The following LRP6 variants were observed in gnomAD, a reference collection of about 807,000 sequenced individuals.
The protein encoded by LRP6 is LDL receptor related protein 6, also known as low-density lipoprotein receptor-related protein 6.
In LRP6, 43 loss-of-function variants were observed where a neutral mutation model predicts 184.1. That is an observed-to-expected ratio of 0.23 (90% CI 0.18 to 0.30). LRP6 has a LOEUF of 0.30. Among genes scored for constraint, LRP6 ranks in the 10% least tolerant of loss-of-function variants. LRP6 has a pLI of 1.00. For missense variants in LRP6, 1,571 were observed against 2,005.3 expected, an observed-to-expected ratio of 0.78 and a Z score of 4.14; for synonymous variants, 719 against 684.9, an observed-to-expected ratio of 1.05 and a Z score of -0.78.
At chr12:12,162,481 G>C in intron 9 of LRP6, 62 bp from the exon 10 acceptor site, 1 of 1,424,882 alleles carries the variant, frequency 7.0e-7, no homozygotes, top group East Asian at 2.3e-5. Context: ...CCAGAAAGAA[G>C]GTTTGGTTTG....
intron 10 of LRP6, among the ~76,000 whole-genome samples, chr12:12,160,514 G>A (rs1412302257): frequency 6.6e-6 from 1 of 152,136 alleles, no homozygotes; most frequent in African/African-American, 2.4e-5. Flanking sequence ...TTGGTCATAT[G>A]GTCCAAGGGA....
chr12:12,164,784 T>C (rs1862827741), intron 8 of LRP6, among the ~76,000 whole-genome samples: 1 of 151,772 alleles, frequency 6.6e-6, no homozygotes, highest in African/African-American at 2.4e-5. Flanking sequence ...CAGTAAGCTT[T>C]AAAGTAAGGT....
At chr12:12,256,741 G>C (rs1011021802) in intron 1 of LRP6, among the ~76,000 whole-genome samples, 1 of 152,170 alleles carries the variant, frequency 6.6e-6, no homozygotes, top group Non-Finnish European at 1.5e-5. Context: ...AGGAGGCAGA[G>C]GTTGCAGTGA....
chr12:12,253,647 T>G (rs535329334), intron 1 of LRP6, among the ~76,000 whole-genome samples: 2 of 150,464 alleles, frequency 1.3e-5, no homozygotes, highest in African/African-American at 4.9e-5. Context: ...ACTGTTTAAT[T>G]TCCACCTATG....
At chr12:12,248,842 A>G (rs1327839247) in intron 1 of LRP6, 7 of 255,188 alleles carry the variant, frequency 2.7e-5, no homozygotes, top group African/African-American at 4.6e-5. Flanking sequence ...CCCTACCTAT[A>G]TAGAATGTTC....
At chr12:12,162,584 T>C (rs1490646029) in intron 9 of LRP6, among the ~76,000 whole-genome samples, 165 bp from the exon 10 acceptor site, 1 of 152,212 alleles carries the variant, frequency 6.6e-6, no homozygotes. Flanking sequence ...AAAAATTTGA[T>C]GTCAATCTCT....
intron 1 of LRP6, among the ~76,000 whole-genome samples, chr12:12,251,728 C>T (rs939129844): frequency 6.6e-6 from 1 of 152,122 alleles, no homozygotes; most frequent in Non-Finnish European, 1.5e-5. Flanking sequence ...TGAATAATCT[C>T]CACAGAAGGC....
At chr12:12,236,097 G>A (rs1051479124) in intron 2 of LRP6, among the ~76,000 whole-genome samples, 3 of 151,606 alleles carry the variant, frequency 2.0e-5, no homozygotes, top group Non-Finnish European at 2.9e-5. Context: ...CGTGGTGGCG[G>A]GTGCCTGTAG....
rs1949578824 is a variant in LRP6, at chr12:12,120,004, TA to T, written c.*1121del. 1.3e-5 allele frequency: 1 copy of T among 77,272 alleles called. No individual in the cohort carries two copies. Among genetic ancestry groups the T allele is most frequent in the Admixed American group, 1.1e-4 (1 of 8,766 alleles). The allele number at this position is 77,272 out of a possible 1,614,324, so 4.8% of individuals were successfully genotyped here. ...CAAACAAACAAAATATATATATATA[TA>T]TATATATATATATATATATATATAT... On this transcript the variant is annotated 3_prime_UTR_variant, in exon 23 of 23. Coordinates refer to ENST00000261349, the MANE Select transcript of LRP6 (RefSeq NM_002336.3).
Position 12,266,946 on chromosome 12 carries a change from C to A in LRP6, c.-211G>T, listed in dbSNP as rs948462880. 2.6e-5 allele frequency: 15 copies of A among 571,690 alleles called. No individual in the cohort carries two copies. In the South Asian group the frequency reaches 3.0e-4, roughly 11 times the overall value. The allele number at this position is 571,690 out of a possible 1,614,324, so 35.4% of individuals were successfully genotyped here. On this transcript the variant is annotated 5_prime_UTR_variant, in exon 1 of 23. Transcript: ENST00000261349. ...GCTCGGCCCCGGGCTCGCGCGACGC[C>A]AGCGTCTGCTTCCATCCCGCCGCCT...
At chr12:12,232,456 T>C (rs1458974797) in intron 2 of LRP6, among the ~76,000 whole-genome samples, 1 of 151,480 alleles carries the variant, frequency 6.6e-6, no homozygotes, top group East Asian at 1.9e-4. Flanking sequence ...ACCCAAAATC[T>C]CTCTGGAGGA....
At chr12:12,235,899 T>C (rs1455600166) in intron 2 of LRP6, among the ~76,000 whole-genome samples, 1 of 152,100 alleles carries the variant, frequency 6.6e-6, no homozygotes, top group African/African-American at 2.4e-5. Context: ...CTGGACTGCC[T>C]GGAGTCGCCA....
At chr12:12,262,913 T>TA (rs1865654522) in intron 1 of LRP6, among the ~76,000 whole-genome samples, 1 of 152,066 alleles carries the variant, frequency 6.6e-6, no homozygotes, top group Non-Finnish European at 1.5e-5. Flanking sequence ...CACTTACAAA[T>TA]AAACTGGTGA....
chr12:12,223,404 C>T (rs1197787913), intron 2 of LRP6, among the ~76,000 whole-genome samples: 1 of 152,088 alleles, frequency 6.6e-6, no homozygotes, highest in Non-Finnish European at 1.5e-5. Flanking sequence ...AGAACCATAC[C>T]GCACATATTT....
At chr12:12,204,694 A>G (rs916006675) in intron 2 of LRP6, among the ~76,000 whole-genome samples, 36 of 151,734 alleles carry the variant, frequency 2.4e-4, no homozygotes, top group African/African-American at 8.5e-4. Context: ...AGGTCGAGGC[A>G]CCTGTAATCC....
At chr12:12,186,805 T>C in intron 4 of LRP6, 118 bp downstream of exon 4, 1 of 946,646 alleles carries the variant, frequency 1.1e-6, no homozygotes, top group Non-Finnish European at 1.7e-6. Context: ...TAACTCTTTT[T>C]TATTCCCGCC....
chr12:12,202,811 A>G (rs970786327), intron 3 of LRP6, among the ~76,000 whole-genome samples: 13 of 152,180 alleles, frequency 8.5e-5, no homozygotes, highest in Non-Finnish European at 1.3e-4. Flanking sequence ...TGCCCAGCAC[A>G]CTGCAGGATG....
intron 2 of LRP6, among the ~76,000 whole-genome samples, chr12:12,221,388 T>G (rs911741739): frequency 6.6e-6 from 1 of 152,158 alleles, no homozygotes; most frequent in Non-Finnish European, 1.5e-5. Flanking sequence ...GAAACTAGAA[T>G]TGTTGCTTTA....
chr12:12,233,484 G>A (rs958148171), intron 2 of LRP6, among the ~76,000 whole-genome samples: 2 of 151,936 alleles, frequency 1.3e-5, no homozygotes, highest in African/African-American at 2.4e-5. Flanking sequence ...ATAAATGAAT[G>A]AATGAATGAA....
Sources: allele counts gnomAD v4.1 joint callset (sites outside exome capture counted in the v4.1 genomes callset), GRCh38; gene constraint gnomAD v4.1.1; transcripts MANE v1.5; gene names NCBI Gene and HGNC (gene_info 2026-07-23, HGNC 2026-07-21).